The following FBXL18 variants were observed in gnomAD, a reference collection of about 807,000 sequenced individuals.
FBXL18 encodes F-box/LRR-repeat protein 18.
FBXL18 carries 36 observed loss-of-function variants against 46.0 expected under a neutral mutation model. The observed-to-expected ratio is 0.78, with a 90% CI of 0.60 to 1.03. FBXL18 has a LOEUF of 1.03. FBXL18 is among the 50% of genes least tolerant of loss of function. FBXL18 has a pLI of 0.00. For synonymous variants in FBXL18, 557 were observed against 465.3 expected, an observed-to-expected ratio of 1.20 and a Z score of -2.54; for missense variants, 977 against 1,004.1, an observed-to-expected ratio of 0.97 and a Z score of 0.36.
At position 5,481,585 on chromosome 7, in the gene FBXL18, A is replaced by C; in HGVS notation, c.*190T>G. On this transcript the variant is annotated 3_prime_UTR_variant, in exon 5 of 5. Coordinates refer to ENST00000382368, the MANE Select transcript of FBXL18 (RefSeq NM_024963.6). ...ATGTCACCCAGAACGCATCCCCTCG[A>C]CCTAAACTTCACAGAGCAACAGTCC... 2 of 621,548 alleles carry C rather than the reference A, an allele frequency of 3.2e-6. No individual in the cohort carries two copies. The highest frequency in any genetic ancestry group is 5.6e-6 in the Non-Finnish European group (2 of 356,364). The allele number at this position is 621,548 out of a possible 1,614,324, so 38.5% of individuals were successfully genotyped here.
At chr7:5,490,746 C>T (rs1404757845) in intron 4 of FBXL18, among the ~76,000 whole-genome samples, 2 of 152,180 alleles carry the variant, frequency 1.3e-5, no homozygotes, top group Non-Finnish European at 2.9e-5. Flanking sequence ...AGGCGGATCA[C>T]CTGAGGTCGG....
In FBXL18 at chr7:5,500,463, C is replaced by T. The variant is rs149054256; in HGVS notation, c.1781+25G>A. On this transcript the variant is annotated intron_variant, in intron 3 of 4. Coordinates refer to ENST00000382368, the MANE Select transcript of FBXL18 (RefSeq NM_024963.6). ...CCTCCGCCAGCTTCCAGCAGAGGCC[C>T]GAGAGGTCCCCGCGGCCCCCTCACC... is the stretch of plus-strand genomic sequence containing the variant. 1.2e-4 allele frequency: 183 copies of T among 1,561,390 alleles called. No individual in the cohort carries two copies. In the African/African-American group the frequency reaches 2.2e-3, roughly 19 times the overall value.
chr7:5,506,221 G>T (rs1043546283), intron 1 of FBXL18, among the ~76,000 whole-genome samples: 1 of 152,046 alleles, frequency 6.6e-6, no homozygotes, highest in Non-Finnish European at 1.5e-5. Context: ...TGGGATGGCA[G>T]GTGTGAGCCA....
At chr7:5,482,225 C>T (rs527904824) in intron 4 of FBXL18, among the ~76,000 whole-genome samples, 9 of 152,240 alleles carry the variant, frequency 5.9e-5, no homozygotes, top group Admixed American at 3.3e-4. Context: ...GAGGCCAACC[C>T]TGCTCTGCAG....
At chr7:5,488,475 A>G (rs1205714373) in intron 4 of FBXL18, among the ~76,000 whole-genome samples, 1 of 152,202 alleles carries the variant, frequency 6.6e-6, no homozygotes, top group African/African-American at 2.4e-5. Context: ...TGCAGCAAGG[A>G]AACAGACAAC....
intron 1 of FBXL18, among the ~76,000 whole-genome samples, chr7:5,510,297 T>G (rs1265654274): frequency 8.3e-6 from 1 of 120,788 alleles, no homozygotes; most frequent in African/African-American, 3.1e-5. Context: ...AGTAAGACTC[T>G]GTCTCAAAAA....
intron 4 of FBXL18, among the ~76,000 whole-genome samples, chr7:5,486,460 T>C (rs1389997237): frequency 6.6e-6 from 1 of 151,736 alleles, no homozygotes; most frequent in Non-Finnish European, 1.5e-5. Context: ...AAAGCCAGCC[T>C]GGGCAACATA....
At chr7:5,490,884 G>A (rs1173117149) in intron 4 of FBXL18, among the ~76,000 whole-genome samples, 1 of 152,222 alleles carries the variant, frequency 6.6e-6, no homozygotes, top group African/African-American at 2.4e-5. Flanking sequence ...GCTTGAACCC[G>A]GAAGGCGAAG....
At chr7:5,456,942 T>C (rs1288115872) in intron 4 of FBXL18, among the ~76,000 whole-genome samples, 1 of 152,236 alleles carries the variant, frequency 6.6e-6, no homozygotes, top group Non-Finnish European at 1.5e-5. Flanking sequence ...TTTTGTGTTT[T>C]TAGTAGAGAT....
In FBXL18 at chr7:5,476,435, C is replaced by T. The variant is rs1414760133; in HGVS notation, c.*5340G>A. On this transcript the variant is annotated 3_prime_UTR_variant, in exon 5 of 5. Coordinates refer to ENST00000382368, the MANE Select transcript of FBXL18 (RefSeq NM_024963.6). Reference sequence around the variant, plus strand: ...GCCAAGTGTTCTGACAGGCGGTTTTCCCGTAAACCGACCCCTTCAGCGTTT... The same window carrying T: ...GCCAAGTGTTCTGACAGGCGGTTTTTCCGTAAACCGACCCCTTCAGCGTTT... The T allele has an allele frequency of 6.6e-6, 1 of 152,164 alleles. No individual in the cohort carries two copies. The highest frequency in any genetic ancestry group is 1.5e-5 in the Non-Finnish European group (1 of 68,048). The allele number at this position is 152,164 out of a possible 1,614,324, so 9.4% of individuals were successfully genotyped here. A position where few individuals can be genotyped will look rare whatever the true frequency, so the allele number is the denominator to read the frequency against.
At chr7:5,495,817 G>A (rs1475020650) in intron 3 of FBXL18, 6 of 477,116 alleles carry the variant, frequency 1.3e-5, no homozygotes, top group Admixed American at 9.3e-5. Context: ...CCAGAGGAAC[G>A]GGGCCAGCTG....
intron 3 of FBXL18, among the ~76,000 whole-genome samples, chr7:5,493,686 T>TGCGTGC (rs143753665): frequency 2.6e-4 from 37 of 144,610 alleles, no homozygotes; most frequent in South Asian, 1.1e-3. Flanking sequence ...CGTGCGTGCG[T>TGCGTGC]GTGTGTGTGT....
downstream of FBXL18, among the ~76,000 whole-genome samples, chr7:5,473,800 A>G (rs1335128779): frequency 6.9e-6 from 1 of 145,890 alleles, no homozygotes; most frequent in East Asian, 2.0e-4. Context: ...TGCAGATTTC[A>G]CTCTTTTTTT....
intron 2 of FBXL18, among the ~76,000 whole-genome samples, chr7:5,505,030 G>A (rs1784359758): frequency 6.6e-6 from 1 of 151,018 alleles, no homozygotes; most frequent in African/African-American, 2.4e-5. Flanking sequence ...CACCCTGCTG[G>A]GGGGTGCAAA....
chr7:5,462,221 C>A (rs1783257766), intron 4 of FBXL18, among the ~76,000 whole-genome samples: 1 of 151,852 alleles, frequency 6.6e-6, no homozygotes, highest in Non-Finnish European at 1.5e-5. Context: ...GAGTGAGACT[C>A]TGTCTCCAAA....
chr7:5,482,406 G>A (rs1428782123), intron 4 of FBXL18, among the ~76,000 whole-genome samples: 1 of 152,106 alleles, frequency 6.6e-6, no homozygotes, highest in East Asian at 1.9e-4. Flanking sequence ...AGTCAGTGAG[G>A]CAGCAGCAGT....
At chr7:5,465,227 G>T (rs1783325102) in intron 4 of FBXL18, among the ~76,000 whole-genome samples, 1 of 151,884 alleles carries the variant, frequency 6.6e-6, no homozygotes, top group Non-Finnish European at 1.5e-5. Flanking sequence ...TTTTGAGACG[G>T]TCGTGCTCTG....
chr7:5,507,760 G>A (rs560100989), intron 1 of FBXL18, among the ~76,000 whole-genome samples: 2 of 151,976 alleles, frequency 1.3e-5, no homozygotes, highest in African/African-American at 4.8e-5. Context: ...CTTGAACCCC[G>A]GAGGCAGAGA....
chr7:5,494,111 A>G lies in FBXL18; in HGVS notation c.1782-2662T>C, dbSNP rs559439765. Among the ~76,000 whole-genome samples, 5 of 152,106 alleles carry G rather than the reference A, an allele frequency of 3.3e-5. No individual in the cohort carries two copies. The South Asian group carries it at 6.2e-4, about 19-fold the overall frequency. On this transcript the variant is annotated intron_variant, in intron 3 of 4. Coordinates refer to ENST00000382368, the MANE Select transcript of FBXL18 (RefSeq NM_024963.6). Reference sequence around the variant, plus strand: ...AACATGGAAAAACCCCATCTCTACTAAAAATACAAAATTAGCTGGTCGTGG... The same window carrying G: ...AACATGGAAAAACCCCATCTCTACTGAAAATACAAAATTAGCTGGTCGTGG...
Sources: allele counts gnomAD v4.1 joint callset (sites outside exome capture counted in the v4.1 genomes callset), GRCh38; gene constraint gnomAD v4.1.1; transcripts MANE v1.5; gene names NCBI Gene and HGNC (gene_info 2026-07-23, HGNC 2026-07-21).